The following ADGRF5 variants were observed in gnomAD, a reference collection of about 807,000 sequenced individuals.
ADGRF5 encodes adhesion G protein-coupled receptor F5.
Under a neutral mutation model 132.3 loss-of-function variants are expected in ADGRF5, and 75 were observed. That is an observed-to-expected ratio of 0.57 (90% CI 0.47 to 0.69). The LOEUF (loss-of-function observed/expected upper bound fraction) is 0.69. ADGRF5 is among the 30% of genes least tolerant of loss of function. The probability of loss-of-function intolerance (pLI) is 0.00; values close to 1 mark genes in which losing one functional copy is unlikely to be tolerated. For missense variants in ADGRF5, 1,516 were observed against 1,630.6 expected (o/e 0.93, Z 1.21); for synonymous variants, 629 against 597.6 (o/e 1.05, Z -0.77).
At chr6:46,943,361 A>G (rs1778171255) in intron 1 of ADGRF5, among the ~76,000 whole-genome samples, 4 of 152,208 alleles carry the variant, frequency 2.6e-5, no homozygotes, top group South Asian at 4.1e-4. Context: ...ATATGTATTC[A>G]TATTCACAAA....
At chr6:46,929,583 C>T (rs537674278) in intron 1 of ADGRF5, among the ~76,000 whole-genome samples, 17 of 147,656 alleles carry the variant, frequency 1.2e-4, no homozygotes, top group African/African-American at 4.2e-4. Flanking sequence ...TATATTGGGA[C>T]AATTTCACAG....
In ADGRF5 at chr6:46,877,329, CTTTCTTTCT is replaced by C. The variant is rs1771898661; in HGVS notation, c.1240+864_1240+872del. 3.4e-3 allele frequency among the ~76,000 whole-genome samples: 144 copies of C among 41,772 alleles called. 3 individuals carry two copies. The highest frequency in any genetic ancestry group is 8.8e-3 in the Middle Eastern group (1 of 114). The allele number at this position is 41,772 out of a possible 152,430, so 27.4% of individuals were successfully genotyped here. A position where few individuals can be genotyped will look rare whatever the true frequency, so the allele number is the denominator to read the frequency against. On this transcript the variant is annotated intron_variant, in intron 10 of 20. Transcript: ENST00000283296. ...TCTTTCCTTCCTTCCTTCCTTCTTT[CTTTCTTTCT>C]TTCTTTCTTTCTTTCTTTCTTTCTT...
At chr6:46,888,788 A>G (rs1297956784) in intron 3 of ADGRF5, among the ~76,000 whole-genome samples, 2 of 152,154 alleles carry the variant, frequency 1.3e-5, no homozygotes, top group Non-Finnish European at 2.9e-5. Flanking sequence ...CGGGCAAAAT[A>G]TGTCACAGTC....
At chr6:46,887,096 A>G (rs1470038320) in intron 4 of ADGRF5, 2 of 152,206 alleles carry the variant, frequency 1.3e-5, no homozygotes, top group East Asian at 3.8e-4. Flanking sequence ...TATTGAATAT[A>G]TGTAAGATAA....
rs969923234 is a variant in ADGRF5 at position 46,896,998 on chromosome 6, G to A, written c.157+3031C>T. Among the ~76,000 whole-genome samples the A allele has an allele frequency of 1.4e-4, 21 of 151,972 alleles. No individual in the cohort carries two copies. In the East Asian group the frequency reaches 3.9e-3, roughly 28 times the overall value. The stretch of plus-strand genomic sequence containing the variant: ...CAAATTGACACAATTTAATATCAGG[G>A]ACTTCAGCATATGCACATTTTGGTA... On this transcript the variant is annotated intron_variant, in intron 3 of 20. Transcript: ENST00000283296.
chr6:46,880,725 G>A (rs952162785), intron 8 of ADGRF5, among the ~76,000 whole-genome samples: 1 of 152,130 alleles, frequency 6.6e-6, no homozygotes, highest in African/African-American at 2.4e-5. Context: ...GTGACTTGGA[G>A]AAACTGTAGC....
intron 11 of ADGRF5, chr6:46,870,877 T>C (rs1203222882): frequency 4.5e-6 from 2 of 441,996 alleles, no homozygotes; most frequent in Admixed American, 2.5e-5. Context: ...TTTGCAGTTT[T>C]CTGTAGTGAG....
chr6:46,927,056 C>T (rs549887869), intron 1 of ADGRF5, among the ~76,000 whole-genome samples: 67 of 152,222 alleles, frequency 4.4e-4, no homozygotes, highest in African/African-American at 1.5e-3. Flanking sequence ...AAGCCCTGTC[C>T]TCACAATACC....
At chr6:46,924,748 A>G (rs1288187488), upstream of ADGRF5, among the ~76,000 whole-genome samples, 1 of 152,192 alleles carries the variant, frequency 6.6e-6, no homozygotes, top group Non-Finnish European at 1.5e-5. Context: ...TCTCTCCCAT[A>G]TTAGCAAAGG....
intron 1 of ADGRF5, among the ~76,000 whole-genome samples, chr6:46,934,997 TC>T (rs369558191): frequency 1.1e-4 from 15 of 137,868 alleles, no homozygotes; most frequent in Non-Finnish European, 1.8e-4. Context: ...TGGTGATAGT[TC>T]TTTTTTTTTT....
At chr6:46,883,694 A>G (rs1334290179) in intron 5 of ADGRF5, 29 bp from the exon 6 acceptor site, 1 of 1,167,968 alleles carries the variant, frequency 8.6e-7, no homozygotes, top group Non-Finnish European at 1.3e-6. Context: ...CAATATTTAA[A>G]AATATGTTAA....
In ADGRF5 at chr6:46,859,499, T is replaced by C. The variant is rs1389030330; in HGVS notation, c.2404A>G (p.Ile802Val). Residue 802 changes from isoleucine (I) to valine (V), a missense_variant, in exon 17 of 21, where the codon ATC becomes GTC. Around this residue, in one of 2 missense-constraint regions of ADGRF5, gnomAD observed 571 missense variants for 701.2 expected, o/e 0.81. Transcript: ENST00000283296. ...MTHVLSTVNV[I>V]LGKPVLNTWK... Reference sequence around the variant, plus strand: ...GTGTTCAAGACGGGCTTGCCAAGGATGACATTAACCGTAGAGAGCACGTGC... The same window carrying C: ...GTGTTCAAGACGGGCTTGCCAAGGACGACATTAACCGTAGAGAGCACGTGC... 4 of 1,612,290 alleles carry C rather than the reference T, an allele frequency of 2.5e-6. No homozygotes were observed. The highest frequency in any genetic ancestry group is 3.4e-6 in the Non-Finnish European group (4 of 1,178,856).
intron 15 of ADGRF5, among the ~76,000 whole-genome samples, chr6:46,862,018 G>T (rs1769806773): frequency 6.6e-6 from 1 of 151,590 alleles, no homozygotes; most frequent in Non-Finnish European, 1.5e-5. Context: ...CTTTACCAGA[G>T]ACAAAGATCT....
At chr6:46,890,764 ATTACT>A (rs894050462) in intron 3 of ADGRF5, among the ~76,000 whole-genome samples, 2 of 152,154 alleles carry the variant, frequency 1.3e-5, no homozygotes, top group African/African-American at 4.8e-5. Context: ...TTATAAAATG[ATTACT>A]TTAAAATTTA....
upstream of ADGRF5, among the ~76,000 whole-genome samples, chr6:46,923,489 T>C (rs1045517417): frequency 2.6e-5 from 4 of 152,124 alleles, no homozygotes; most frequent in African/African-American, 9.7e-5. Context: ...AACTCCAAAA[T>C]GTTATTATTC....
chr6:46,904,703 C>G (rs559730345), intron 2 of ADGRF5, among the ~76,000 whole-genome samples: 2 of 152,202 alleles, frequency 1.3e-5, no homozygotes, highest in East Asian at 3.9e-4. Flanking sequence ...TTATGTTAGG[C>G]ATATTTTTTC....
At chr6:46,873,183 A>C (rs932271038) in intron 10 of ADGRF5, among the ~76,000 whole-genome samples, 6 of 151,868 alleles carry the variant, frequency 4.0e-5, no homozygotes, top group Non-Finnish European at 8.8e-5. Context: ...CCTCCCCTTC[A>C]ACCCCCAGAT....
intron 6 of ADGRF5, 92 bp from the exon 7 acceptor site, chr6:46,882,199 A>G (rs1772553965): frequency 6.0e-6 from 5 of 839,382 alleles, no homozygotes; most frequent in Non-Finnish European, 1.0e-5. Flanking sequence ...ACATATTCCT[A>G]ATCACACTAG....
intron 3 of ADGRF5, among the ~76,000 whole-genome samples, chr6:46,893,058 A>AT (rs35014340): frequency 0.11 from 9,362 of 86,230 alleles, 1,160 homozygotes; most frequent in African/African-American, 0.17. Flanking sequence ...GACAACAGGG[A>AT]TTTTTTTTTT....
Sources: allele counts gnomAD v4.1 joint callset (sites outside exome capture counted in the v4.1 genomes callset), GRCh38; gene constraint gnomAD v4.1.1; regional missense constraint gnomAD v4.1.1; transcripts MANE v1.5; gene names NCBI Gene and HGNC (gene_info 2026-07-23, HGNC 2026-07-21).